CD84: variants seen among roughly 807,000 people sequenced by gnomAD.
CD84 encodes SLAM family member 5.
In CD84, 22 loss-of-function variants were observed where a neutral mutation model predicts 33.8. That is an observed-to-expected ratio of 0.65 (90% CI 0.46 to 0.93). The LOEUF (loss-of-function observed/expected upper bound fraction) is 0.93. Among genes scored for constraint, CD84 ranks in the 40% least tolerant of loss-of-function variants. CD84 has a pLI of 0.00. For synonymous variants in CD84, 154 were observed against 145.2 expected (o/e 1.06, Z -0.44); for missense variants, 400 against 397.6 (o/e 1.01, Z -0.05).
chr1:160,576,980 C>G (rs1407570870), intron 1 of CD84, among the ~76,000 whole-genome samples: 1 of 151,916 alleles, frequency 6.6e-6, no homozygotes, highest in African/African-American at 2.4e-5. Flanking sequence ...AGGGGGTGGG[C>G]AAGGATTAAA....
chr1:160,548,369 G>A (rs777769249), intron 6 of CD84, 48 bp from the exon 7 acceptor site: 2 of 1,600,816 alleles, frequency 1.2e-6, no homozygotes, highest in Admixed American at 1.7e-5. Flanking sequence ...AGGTGCTGCT[G>A]GGGAACTCCA....
At chr1:160,576,594 T>C (rs759654203) in intron 1 of CD84, among the ~76,000 whole-genome samples, 14 of 152,150 alleles carry the variant, frequency 9.2e-5, no homozygotes, top group Non-Finnish European at 1.8e-4. Context: ...CAAACATTAA[T>C]AGTAGGGAGA....
In CD84 at chr1:160,551,025, T is replaced by C. The variant is rs750549897; in HGVS notation, c.771A>G (p.Ser257=). 5.6e-6 allele frequency: 9 copies of C among 1,613,090 alleles called. No individual in the cohort carries two copies. The highest frequency in any genetic ancestry group is 7.6e-6 in the Non-Finnish European group (9 of 1,179,138). Residue 257 remains serine, a synonymous_variant, in exon 5 of 7, where the codon TCA becomes TCG. Coordinates refer to ENST00000368054, the MANE Select transcript of CD84 (RefSeq NM_003874.4). ...RLFKRRQDAA[S]KKTIYTYIMA... ...TGATATATGTGTATATGGTTTTCTTTGAGGCAGCATCTGTCTCACAAATAA... is the reference window on the plus strand; with the variant it reads ...TGATATATGTGTATATGGTTTTCTTCGAGGCAGCATCTGTCTCACAAATAA...
chr1:160,541,637 T>A lies in CD84; in HGVS notation c.*6619A>T, dbSNP rs930067973. 7.9e-5 allele frequency: 12 copies of A among 152,148 alleles called. No homozygotes were observed. Among genetic ancestry groups the A allele is most frequent in the Admixed American group, 7.2e-4 (11 of 15,264 alleles). The allele number at this position is 152,148 out of a possible 1,614,324, so 9.4% of individuals were successfully genotyped here. A position where few individuals can be genotyped will look rare whatever the true frequency, so the allele number is the denominator to read the frequency against. On this transcript the variant is annotated 3_prime_UTR_variant, in exon 7 of 7. Transcript: ENST00000368054. ...TGTAGACAGAAGGGAGAGAAGGGCA[T>A]CCCAGACAACATGGGCAAAGGCATG... is the stretch of plus-strand genomic sequence containing the variant.
At position 160,543,319 on chromosome 1, in the gene CD84, A is replaced by G. The variant is rs1345157273; in HGVS notation, c.*4937T>C. 2 of 152,348 alleles carry G rather than the reference A, an allele frequency of 1.3e-5. No individual in the cohort carries two copies. The highest frequency in any genetic ancestry group is 3.9e-4 in the East Asian group (2 of 5,192). The allele number at this position is 152,348 out of a possible 1,614,324, so 9.4% of individuals were successfully genotyped here. A position where few individuals can be genotyped will look rare whatever the true frequency, so the allele number is the denominator to read the frequency against. ...ACCTAAGGCCAAGTACCAGGTAGGG[A>G]GAATCCACAGGAGGTAAAAAAGGGC... On this transcript the variant is annotated 3_prime_UTR_variant, in exon 7 of 7. Transcript: ENST00000368054.
intron 1 of CD84, among the ~76,000 whole-genome samples, chr1:160,566,899 G>A (rs766434842): frequency 6.6e-5 from 10 of 152,074 alleles, no homozygotes; most frequent in African/African-American, 9.7e-5. Flanking sequence ...TTAATATATA[G>A]TTTGTAAAAT....
chr1:160,562,791 A>C (rs549628361), intron 2 of CD84, among the ~76,000 whole-genome samples: 111 of 152,322 alleles, frequency 7.3e-4, no homozygotes, highest in African/African-American at 2.5e-3. Flanking sequence ...AACAACCTAC[A>C]GAATGGGAGA....
rs181358463 is a variant in CD84, at chr1:160,542,097, A to G, written c.*6159T>C. On this transcript the variant is annotated 3_prime_UTR_variant, in exon 7 of 7. Coordinates refer to ENST00000368054, the MANE Select transcript of CD84 (RefSeq NM_003874.4). ...CTGCTGATTGGTGAAGCAGTGAAGAATAGCAGTTCTGCACCCAGCCCCTGG... is the reference window on the plus strand; with the variant it reads ...CTGCTGATTGGTGAAGCAGTGAAGAGTAGCAGTTCTGCACCCAGCCCCTGG... 5.9e-5 allele frequency: 9 copies of G among 152,332 alleles called. No homozygotes were observed. Among genetic ancestry groups the G allele is most frequent in the African/African-American group, 1.9e-4 (8 of 41,568 alleles). The allele number at this position is 152,332 out of a possible 1,614,324, so 9.4% of individuals were successfully genotyped here.
At position 160,565,594 on chromosome 1, in the gene CD84, T is replaced by G; in HGVS notation, c.198A>C (p.Gly66=). ...SKTSVAYVTP[G]DSETAPVVTV... is the part of the protein sequence containing the mutation. ...TAACTACGGGTGCTGTTTCTGAGTCTCCTGGTGTTACATAAGCAACAGATG... is the reference window on the plus strand; with the variant it reads ...TAACTACGGGTGCTGTTTCTGAGTCGCCTGGTGTTACATAAGCAACAGATG... Residue 66 remains glycine (G), a synonymous_variant, in exon 2 of 7, where the codon GGA becomes GGC. Coordinates refer to ENST00000368054, the MANE Select transcript of CD84 (RefSeq NM_003874.4). 6 of 1,614,020 alleles carry G rather than the reference T, an allele frequency of 3.7e-6. No individual in the cohort carries two copies. The highest frequency in any genetic ancestry group is 5.1e-6 in the Non-Finnish European group (6 of 1,179,922).
At chr1:160,568,671 A>G (rs1321426784) in intron 1 of CD84, among the ~76,000 whole-genome samples, 1 of 152,150 alleles carries the variant, frequency 6.6e-6, no homozygotes, top group East Asian at 1.9e-4. Flanking sequence ...CCCACGCTGG[A>G]GTGCAGTGGA....
At position 160,547,236 on chromosome 1, in the gene CD84, C is replaced by A; in HGVS notation, c.*1020G>T. 2.5e-6 allele frequency: 1 copy of A among 398,614 alleles called. No homozygotes were observed. The highest frequency in any genetic ancestry group is 4.4e-6 in the Non-Finnish European group (1 of 226,060). The allele number at this position is 398,614 out of a possible 1,614,324, so 24.7% of individuals were successfully genotyped here. A position where few individuals can be genotyped will look rare whatever the true frequency, so the allele number is the denominator to read the frequency against. ...TTTCATCATCTGCACCATCATCTCC[C>A]AAGTTCCTTCTGGAGAATGACTCTG... On this transcript the variant is annotated 3_prime_UTR_variant, in exon 7 of 7. Transcript: ENST00000368054.
In CD84 at chr1:160,563,563, G is replaced by A. The variant is rs117154350; in HGVS notation, c.388+1841C>T. On this transcript the variant is annotated intron_variant, in intron 2 of 6. Coordinates refer to ENST00000368054, the MANE Select transcript of CD84 (RefSeq NM_003874.4). Reference sequence around the variant, plus strand: ...ATGAATGATGAGAACACATGGAGGGGAACAACACACACTGGGACCTGTTGG... The same window carrying A: ...ATGAATGATGAGAACACATGGAGGGAAACAACACACACTGGGACCTGTTGG... 1.7e-3 allele frequency among the ~76,000 whole-genome samples: 258 copies of A among 151,914 alleles called. 1 individual carries two copies. In the East Asian group the frequency reaches 0.039, roughly 23 times the overall value.
chr1:160,576,430 C>A (rs547834610), intron 1 of CD84, among the ~76,000 whole-genome samples: 1 of 152,136 alleles, frequency 6.6e-6, no homozygotes, highest in Non-Finnish European at 1.5e-5. Context: ...GGGTATTCTG[C>A]CTCACTGCCC....
chr1:160,569,173 C>A (rs778797725), intron 1 of CD84, among the ~76,000 whole-genome samples: 17 of 152,174 alleles, frequency 1.1e-4, no homozygotes, highest in South Asian at 4.1e-4. Context: ...CGGGGCCATA[C>A]TGGAGCATAT....
At chr1:160,559,352 C>A (rs1389998365) in intron 2 of CD84, among the ~76,000 whole-genome samples, 1 of 152,180 alleles carries the variant, frequency 6.6e-6, no homozygotes, top group Non-Finnish European at 1.5e-5. Context: ...AAACCATTTT[C>A]AACCCAGAAT....
Position 160,547,201 on chromosome 1 carries a change from A to T in CD84, c.*1055T>A. 1 of 398,752 alleles carries T rather than the reference A, an allele frequency of 2.5e-6. No homozygotes were observed. Among genetic ancestry groups the T allele is most frequent in the Admixed American group, 4.4e-5 (1 of 22,736 alleles). 24.7% of individuals were successfully genotyped at this position (398,752 alleles called of 1,614,324 possible). A position where few individuals can be genotyped will look rare whatever the true frequency, so the allele number is the denominator to read the frequency against. On this transcript the variant is annotated 3_prime_UTR_variant, in exon 7 of 7. Coordinates refer to ENST00000368054, the MANE Select transcript of CD84 (RefSeq NM_003874.4). Reference sequence around the variant, plus strand: ...AGTTCTCTGAGTCTTTGGAACTGGGATGAACCCAGTTTCATCATCTGCACC... The same window carrying T: ...AGTTCTCTGAGTCTTTGGAACTGGGTTGAACCCAGTTTCATCATCTGCACC...
At chr1:160,550,255 C>T (rs1387115552) in intron 5 of CD84, among the ~76,000 whole-genome samples, 2 of 151,998 alleles carry the variant, frequency 1.3e-5, no homozygotes, top group African/African-American at 4.8e-5. Flanking sequence ...GAGTCCTGCT[C>T]AGTCAGGATT....
Position 160,565,428 on chromosome 1 carries a change from T to C in CD84, c.364A>G (p.Lys122Glu). ...CGATAGATTTGCAGGTTGTAGCGCT[T>C]GGTGGTGGTGTAGGGATCAGCCTGT... ...NTQADPYTTT[K>E]RYNLQIYRRL... The change falls in exon 2 of 7, where the codon AAG becomes GAG. Residue 122 changes from lysine (K) to glutamate (E), a missense_variant. Coordinates refer to ENST00000368054, the MANE Select transcript of CD84 (RefSeq NM_003874.4). The C allele has an allele frequency of 6.2e-7, 1 of 1,607,830 alleles. No individual in the cohort carries two copies. The highest frequency in any genetic ancestry group is 8.5e-7 in the Non-Finnish European group (1 of 1,176,644).
chr1:160,571,134 T>G (rs1296371271), intron 1 of CD84: 1 of 152,114 alleles, frequency 6.6e-6, no homozygotes, highest in African/African-American at 2.4e-5. Context: ...GTTTAAGCCA[T>G]TCTTATTTTA....
Sources: gnomAD v4.1 joint callset for allele counts (sites outside exome capture counted in the v4.1 genomes callset) on GRCh38, gnomAD v4.1.1 for gene constraint, MANE v1.5 for transcripts, NCBI Gene and HGNC (gene_info 2026-07-23, HGNC 2026-07-21) for gene names.